Variants in SRCAP observed in about 807,000 individuals in gnomAD.
The protein encoded by SRCAP is chromatin remodeling protein SRCAP.
SRCAP carries 46 observed loss-of-function variants against 263.1 expected under a neutral mutation model. The ratio of observed to expected loss-of-function variants is 0.17; its 90% CI spans 0.14 to 0.22. The LOEUF (loss-of-function observed/expected upper bound fraction) is 0.22. Ranked by LOEUF, SRCAP falls within the 10% of genes least tolerant of loss-of-function variation. SRCAP has a pLI of 1.00. For missense variants in SRCAP, 3,695 were observed against 4,181.9 expected (o/e 0.88, Z 3.21); for synonymous variants, 1,813 against 1,662.1 (o/e 1.09, Z -2.21).
intron 13 of SRCAP, 53 bp downstream of exon 13, chr16:30,712,492 C>T (rs2151288746): frequency 6.5e-7 from 1 of 1,532,154 alleles, no homozygotes; most frequent in Non-Finnish European, 8.8e-7. Context: ...TCCCTGGGAG[C>T]TTGTTCAGTG....
In SRCAP at chr16:30,707,239, G is replaced by A. The variant is rs2052837560; in HGVS notation, c.363G>A (p.Leu121=). The change falls in exon 5 of 34, where the codon CTG becomes CTA. Residue 121 remains leucine, a synonymous_variant. Transcript: ENST00000262518. ...AELRKEGFWS[L]KRLPKVPEPP... ...TGCGGAAGGAGGGTTTCTGGTCACT[G>A]AAGAGGCTGCCTAAGGTGCCAGAGC... 1.9e-6 allele frequency: 3 copies of A among 1,614,080 alleles called. No individual in the cohort carries two copies. The highest frequency in any genetic ancestry group is 1.3e-5 in the African/African-American group (1 of 74,928).
chr16:30,734,101 G>A, intron 30 of SRCAP, 93 bp downstream of exon 30: 7 of 1,141,722 alleles, frequency 6.1e-6, no homozygotes, highest in Non-Finnish European at 7.5e-6. Context: ...TTTGGACTTT[G>A]GGAGGCTGAG....
chr16:30,723,354 G>A (rs1229155563), intron 24 of SRCAP, 125 bp downstream of exon 24: 2 of 1,444,088 alleles, frequency 1.4e-6, no homozygotes, highest in African/African-American at 2.9e-5. Flanking sequence ...TTTGTAGTGG[G>A]CCCCAGAACT....
chr16:30,734,659 C>A lies in SRCAP; in HGVS notation c.6729+44C>A, dbSNP rs1345075359. 4 of 1,612,476 alleles carry A rather than the reference C, an allele frequency of 2.5e-6. No homozygotes were observed. The African/African-American group carries it at 4.0e-5, about 16-fold the overall frequency. On this transcript the variant is annotated intron_variant, in intron 31 of 33. Transcript: ENST00000262518. The stretch of plus-strand genomic sequence containing the variant: ...GTTCGTAAAGTTGAGCTGATTCTTA[C>A]AGAATATCTTGTCTTTTGTTAGTCT...
rs752286554 is a variant in SRCAP, at chr16:30,723,961, C to T, written c.4537C>T (p.Pro1513Ser). ...CTTGACTCTAGGTTTGGCCACAGCT[C>T]CATCCCTGTCTTCATCTCAGACACC... is the stretch of plus-strand genomic sequence containing the variant. ...SALTLGLATA[P>S]SLSSSQTPGH... The change falls in exon 25 of 34, where the codon CCA (proline) becomes TCA (serine). Residue 1513 changes from proline (P) to serine (S), a missense_variant. Physicochemically the swap from Pro to Ser is moderately conservative, Grantham distance 74 (BLOSUM62 -1). Transcript: ENST00000262518. 1.2e-6 allele frequency: 2 copies of T among 1,614,204 alleles called. No individual in the cohort carries two copies. Among genetic ancestry groups the T allele is most frequent in the Non-Finnish European group, 8.5e-7 (1 of 1,180,044 alleles).
Position 30,739,349 on chromosome 16 carries a change from G to T in SRCAP, c.9309G>T (p.Gly3103=). The T allele has an allele frequency of 6.2e-7, 1 of 1,614,178 alleles. No homozygotes were observed. The highest frequency in any genetic ancestry group is 1.1e-5 in the South Asian group (1 of 91,090). The change falls in exon 34 of 34, where the codon GGG becomes GGT. Residue 3103 remains glycine (G), a synonymous_variant. Transcript: ENST00000262518. The part of the protein sequence containing the change: ...DLDLADSGPG[G]LELTPPVVSL... The stretch of plus-strand genomic sequence containing the variant: ...ACTTAGCAGATAGCGGGCCAGGCGG[G>T]TTGGAATTGACACCACCTGTGGTCT...
chr16:30,706,835 C>T (rs1443493388), intron 4 of SRCAP, among the ~76,000 whole-genome samples: 2 of 152,028 alleles, frequency 1.3e-5, no homozygotes, highest in Non-Finnish European at 2.9e-5. Context: ...TATGATTTCC[C>T]AAGTCTCTCC....
intron 4 of SRCAP, 57 bp downstream of exon 4, chr16:30,704,372 C>T (rs964463830): frequency 9.9e-6 from 15 of 1,517,288 alleles, no homozygotes; most frequent in Middle Eastern, 1.8e-4. Flanking sequence ...TAAACTCCCA[C>T]GTCCTCTTGA....
chr16:30,729,006 GC>G lies in SRCAP; in HGVS notation c.5701del (p.Leu1901TrpfsTer66). 6.2e-7 allele frequency: 1 copy of G among 1,614,048 alleles called. No individual in the cohort carries two copies. Among genetic ancestry groups the G allele is most frequent in the Non-Finnish European group, 8.5e-7 (1 of 1,179,982 alleles). On this transcript the variant is annotated frameshift_variant, in exon 26 of 34. Transcript: ENST00000262518. LOFTEE classifies it high-confidence loss of function. The stretch of plus-strand genomic sequence containing the variant: ...AAGCGGAAGCGGCAGCGGTCTGAAC[GC>G]CTGGAACGGATTTTCCAACTTAGTG... Reference protein sequence around the residue: ...EEKRKRQRSERLERIFQLSEA... With the variant: ...EEKRKRQRSEXLERIFQLSEA...
chr16:30,704,800 C>T (rs1266759613), intron 4 of SRCAP, among the ~76,000 whole-genome samples: 1 of 152,130 alleles, frequency 6.6e-6, no homozygotes, highest in East Asian at 1.9e-4. Context: ...CACGATTATG[C>T]CACTGCACTC....
chr16:30,711,049 G>A lies in SRCAP; in HGVS notation c.1279G>A (p.Val427Met), dbSNP rs140083344. ...AGCTGAGGAACAGTTGGAAGGGGAGGTGGATCATGCCATGGAGCTGAGCGA... is the reference window on the plus strand; with the variant it reads ...AGCTGAGGAACAGTTGGAAGGGGAGATGGATCATGCCATGGAGCTGAGCGA... ...IAAEEQLEGE[V>M]DHAMELSELA... The change falls in exon 10 of 34, where the codon GTG becomes ATG. Residue 427 changes from valine (V) to methionine (M), a missense_variant. Physicochemically the swap from Val to Met is conservative, Grantham distance 21. This residue lies in a region of SRCAP where 288 missense variants were observed against 302.4 expected (regional missense o/e 0.95). Transcript: ENST00000262518. 6.2e-7 allele frequency: 1 copy of A among 1,613,976 alleles called. No homozygotes were observed. The highest frequency in any genetic ancestry group is 1.3e-5 in the African/African-American group (1 of 74,928).
Position 30,729,023 on chromosome 16 carries a change from C to G in SRCAP, c.5716C>G (p.Gln1906Glu), listed in dbSNP as rs760558918. 1.7e-5 allele frequency: 28 copies of G among 1,614,012 alleles called. No homozygotes were observed. The South Asian group carries it at 3.1e-4, about 18-fold the overall frequency. ...GTCTGAACGCCTGGAACGGATTTTC[C>G]AACTTAGTGAGGCTCATGGGGCCCT... is the stretch of plus-strand genomic sequence containing the variant. ...QRSERLERIF[Q>E]LSEAHGALAP... The change falls in exon 26 of 34, where the codon CAA becomes GAA. Residue 1906 changes from glutamine to glutamate, a missense_variant. Physicochemically the swap from Gln to Glu is conservative, Grantham distance 29. Around this residue, in one of 12 missense-constraint regions of SRCAP, gnomAD observed 1,347 missense variants for 1,304.4 expected, o/e 1.03. Transcript: ENST00000262518.
At chr16:30,722,373 T>C (rs1262661703) in intron 22 of SRCAP, 87 bp downstream of exon 22, 2 of 1,554,210 alleles carry the variant, frequency 1.3e-6, no homozygotes, top group African/African-American at 1.4e-5. Context: ...TCAGCCTTTA[T>C]GTTTCTTACC....
intron 17 of SRCAP, 44 bp downstream of exon 17, chr16:30,716,246 T>C (rs769767423): frequency 6.2e-7 from 1 of 1,612,988 alleles, no homozygotes; most frequent in Non-Finnish European, 8.5e-7. Flanking sequence ...GAGATTGGAG[T>C]GTAGGTGGCT....
intron 4 of SRCAP, among the ~76,000 whole-genome samples, chr16:30,706,928 A>T (rs960214543): frequency 2.0e-5 from 3 of 152,072 alleles, no homozygotes; most frequent in Admixed American, 1.3e-4. Flanking sequence ...CCTATTTTTG[A>T]TTCACATTTT....
rs757247378 is a variant in SRCAP at position 30,739,324 on chromosome 16, A to G, written c.9284A>G (p.Asp3095Gly). 23 of 1,614,024 alleles carry G rather than the reference A, an allele frequency of 1.4e-5. No individual in the cohort carries two copies. The highest frequency in any genetic ancestry group is 1.6e-4 in the Middle Eastern group (1 of 6,084). The change falls in exon 34 of 34, where the codon GAC becomes GGC. Residue 3095 changes from aspartate to glycine, a missense_variant. This residue lies in a region of SRCAP where 1,207 missense variants were observed against 1,142.9 expected (regional missense o/e 1.06). Transcript: ENST00000262518. ...GTGGCTGTAATTCAGGATGACCTGG[A>G]CTTAGCAGATAGCGGGCCAGGCGGG... Reference protein sequence around the residue: ...MVVAVIQDDLDLADSGPGGLE... With the variant: ...MVVAVIQDDLGLADSGPGGLE...
chr16:30,738,073 C>T lies in SRCAP; in HGVS notation c.8033C>T (p.Thr2678Ile). 1 of 1,614,140 alleles carries T rather than the reference C, an allele frequency of 6.2e-7. No homozygotes were observed. The highest frequency in any genetic ancestry group is 2.2e-5 in the East Asian group (1 of 44,884). ...GCTGACAGGACCTCGGAAGAGCTGA[C>T]AGAGGCCAAGACCCCAACCTCCAGC... ...LEADRTSEEL[T>I]EAKTPTSSPE... Residue 2678 changes from threonine (T) to isoleucine (I), a missense_variant, in exon 34 of 34, where the codon ACA becomes ATA. Thr to Ile is a moderately conservative substitution (Grantham distance 89, BLOSUM62 -1). Coordinates refer to ENST00000262518, the MANE Select transcript of SRCAP (RefSeq NM_006662.3).
chr16:30,722,038 G>T, intron 21 of SRCAP, 84 bp from the exon 22 acceptor site: 1 of 1,514,844 alleles, frequency 6.6e-7, no homozygotes, highest in Non-Finnish European at 8.9e-7. Flanking sequence ...TGGACACTCG[G>T]GGGAGAGGTG....
chr16:30,713,394 G>A lies in SRCAP; in HGVS notation c.2300+17G>A, dbSNP rs938724177. 6.2e-7 allele frequency: 1 copy of A among 1,613,894 alleles called. No individual in the cohort carries two copies. The highest frequency in any genetic ancestry group is 8.5e-7 in the Non-Finnish European group (1 of 1,179,814). ...CTTCAACAGGTGGAGATGGAGATGGGGATTCATGGGAGGGTTGACTTGGCT... is the reference window on the plus strand; with the variant it reads ...CTTCAACAGGTGGAGATGGAGATGGAGATTCATGGGAGGGTTGACTTGGCT... On this transcript the variant is annotated intron_variant, in intron 15 of 33. Transcript: ENST00000262518.
Sources: gnomAD v4.1 joint callset for allele counts (sites outside exome capture counted in the v4.1 genomes callset) on GRCh38, gnomAD v4.1.1 for gene constraint, gnomAD v4.1.1 regional missense constraint, MANE v1.5 for transcripts, NCBI Gene and HGNC (gene_info 2026-07-23, HGNC 2026-07-21) for gene names.